SYNPO2: variants seen among roughly 807,000 people sequenced by gnomAD.
The protein encoded by SYNPO2 is synaptopodin 2.
SYNPO2 carries 56 observed loss-of-function variants against 85.0 expected under a neutral mutation model. The ratio of observed to expected loss-of-function variants is 0.66; its 90% CI spans 0.53 to 0.82. The LOEUF (loss-of-function observed/expected upper bound fraction) is 0.82. SYNPO2 is among the 40% of genes least tolerant of loss of function. SYNPO2 has a pLI of 0.00. For synonymous variants in SYNPO2, 602 were observed against 591.1 expected (o/e 1.02, Z -0.27); for missense variants, 1,575 against 1,534.2 (o/e 1.03, Z -0.44).
intron 1 of SYNPO2, among the ~76,000 whole-genome samples, chr4:118,995,525 A>C (rs1184722154): frequency 1.3e-5 from 2 of 152,212 alleles, no homozygotes; most frequent in Non-Finnish European, 2.9e-5. Context: ...ACTTGCTCCA[A>C]GTTACACAGT....
chr4:119,004,827 G>C (rs2149174976), intron 1 of SYNPO2, among the ~76,000 whole-genome samples: 1 of 152,118 alleles, frequency 6.6e-6, no homozygotes, highest in Admixed American at 6.6e-5. Context: ...GATTGAACTA[G>C]TTTACAGTCC....
intron 1 of SYNPO2, among the ~76,000 whole-genome samples, chr4:119,010,174 T>C (rs185805172): frequency 1.3e-4 from 20 of 152,326 alleles, no homozygotes; most frequent in African/African-American, 4.8e-4. Context: ...TGACTTTGCC[T>C]CACTGGCTTC....
intron 4 of SYNPO2, among the ~76,000 whole-genome samples, chr4:119,044,685 GA>G (rs1229320676): frequency 3.3e-5 from 5 of 152,082 alleles, no homozygotes. Flanking sequence ...TTTTGACCAG[GA>G]AAACATAAAT....
At chr4:118,936,731 A>G (rs1229682265) in intron 1 of SYNPO2, among the ~76,000 whole-genome samples, 1 of 152,106 alleles carries the variant, frequency 6.6e-6, no homozygotes, top group East Asian at 1.9e-4. Context: ...TCTTAAACAT[A>G]AGATCACTAA....
At chr4:118,969,016 G>C (rs927878341) in intron 1 of SYNPO2, among the ~76,000 whole-genome samples, 7 of 152,210 alleles carry the variant, frequency 4.6e-5, no homozygotes, top group African/African-American at 1.7e-4. Flanking sequence ...GGAGACCACT[G>C]TCTTAGCCTC....
chr4:119,031,895 C>T lies in SYNPO2; in HGVS notation c.3120C>T (p.Ala1040=). Reference sequence around the variant, plus strand: ...CTCCTCCTTCCTTCTTTGCAGAGGCCTCCTCACCAGTCAGTGCATCCCCAG... The same window carrying T: ...CTCCTCCTTCCTTCTTTGCAGAGGCTTCCTCACCAGTCAGTGCATCCCCAG... The part of the protein sequence containing the change: ...YTSPPSFFAE[A]SSPVSASPVP... Residue 1040 remains alanine, a synonymous_variant, in exon 4 of 5, where the codon GCC becomes GCT. Coordinates refer to ENST00000307142, the MANE Select transcript of SYNPO2 (RefSeq NM_133477.3). 6.2e-7 allele frequency: 1 copy of T among 1,614,210 alleles called. No individual in the cohort carries two copies.
chr4:118,880,331 T>C (rs1011382072), intron 1 of SYNPO2, among the ~76,000 whole-genome samples: 1 of 152,196 alleles, frequency 6.6e-6, no homozygotes, highest in Admixed American at 6.5e-5. Context: ...TCCAAGTTCA[T>C]ATGTTGAAGA....
At chr4:119,041,773 G>A (rs191425839) in intron 4 of SYNPO2, among the ~76,000 whole-genome samples, 1 of 152,250 alleles carries the variant, frequency 6.6e-6, no homozygotes, top group Admixed American at 6.5e-5. Flanking sequence ...CCTTCGTAGT[G>A]TAACATATAG....
chr4:118,914,222 A>T (rs889542523), intron 1 of SYNPO2, among the ~76,000 whole-genome samples: 2 of 152,188 alleles, frequency 1.3e-5, no homozygotes, highest in Non-Finnish European at 2.9e-5. Flanking sequence ...TTTTAAATAA[A>T]TTGAATTTAA....
At chr4:118,999,250 G>A (rs1736734443) in intron 1 of SYNPO2, among the ~76,000 whole-genome samples, 1 of 152,146 alleles carries the variant, frequency 6.6e-6, no homozygotes, top group Non-Finnish European at 1.5e-5. Flanking sequence ...CCAGGATCAG[G>A]TGATCCTCTC....
chr4:119,001,083 T>C (rs1316773816), intron 1 of SYNPO2, among the ~76,000 whole-genome samples: 1 of 152,220 alleles, frequency 6.6e-6, no homozygotes, highest in East Asian at 1.9e-4. Flanking sequence ...TCCATTTTCA[T>C]ACCCACTGTT....
intron 1 of SYNPO2, among the ~76,000 whole-genome samples, chr4:118,935,200 T>G (rs1734059464): frequency 6.6e-6 from 1 of 152,176 alleles, no homozygotes; most frequent in African/African-American, 2.4e-5. Flanking sequence ...GGAAGTAGTT[T>G]ATTGCTATAT....
chr4:118,928,603 G>A (rs892687477), intron 1 of SYNPO2, among the ~76,000 whole-genome samples: 4 of 152,064 alleles, frequency 2.6e-5, no homozygotes, highest in African/African-American at 7.2e-5. Context: ...AGACATTACC[G>A]AAAGTCTCAG....
At chr4:118,997,772 T>C (rs1329039367) in intron 1 of SYNPO2, among the ~76,000 whole-genome samples, 1 of 152,226 alleles carries the variant, frequency 6.6e-6, no homozygotes, top group East Asian at 1.9e-4. Context: ...TTCTAATTTC[T>C]ATTTCTAGAC....
At chr4:118,879,007 G>A (rs1227085741) in intron 1 of SYNPO2, among the ~76,000 whole-genome samples, 2 of 152,294 alleles carry the variant, frequency 1.3e-5, no homozygotes, top group South Asian at 2.1e-4. Flanking sequence ...AAGTCAGCGA[G>A]ACCATGAACC....
intron 1 of SYNPO2, among the ~76,000 whole-genome samples, chr4:118,913,286 G>C (rs1298142157): frequency 6.6e-6 from 1 of 152,170 alleles, no homozygotes; most frequent in African/African-American, 2.4e-5. Flanking sequence ...ATAAAGAGAA[G>C]TGTTAACATT....
At chr4:119,032,608 G>A (rs926654803) in intron 4 of SYNPO2, 4 of 992,390 alleles carry the variant, frequency 4.0e-6, no homozygotes, top group Admixed American at 5.5e-5. Context: ...TTGTTGGAAT[G>A]TATATAGTTT....
intron 4 of SYNPO2, chr4:119,032,918 T>G: frequency 1.0e-6 from 1 of 957,424 alleles, no homozygotes; most frequent in South Asian, 4.8e-5. Context: ...TAATTATCTT[T>G]AAAGGTTGAT....
chr4:118,874,116 T>C (rs995824635), intron 1 of SYNPO2, among the ~76,000 whole-genome samples: 2 of 152,246 alleles, frequency 1.3e-5, no homozygotes, highest in Non-Finnish European at 2.9e-5. Context: ...TTGGCTACTA[T>C]AGCCTTGTAG....
Sources: allele counts gnomAD v4.1 joint callset (sites outside exome capture counted in the v4.1 genomes callset), GRCh38; gene constraint gnomAD v4.1.1; transcripts MANE v1.5; gene names NCBI Gene and HGNC (gene_info 2026-07-23, HGNC 2026-07-21).